Variants in SGCZ observed in about 807,000 individuals in gnomAD.
SGCZ encodes the protein zeta-sarcoglycan.
SGCZ carries 40 observed loss-of-function variants against 41.3 expected under a neutral mutation model. The observed-to-expected ratio is 0.97, with a 90% CI of 0.75 to 1.26. The LOEUF (loss-of-function observed/expected upper bound fraction) is 1.26, where lower values mean the gene tolerates loss of function less well. SGCZ is among the 50% of genes most tolerant of loss of function. The pLI, the probability that SGCZ is intolerant of heterozygous loss-of-function variation, is 0.00. For missense variants in SGCZ, 552 were observed against 369.8 expected (o/e 1.49, Z -4.04); for synonymous variants, 206 against 137.5 (o/e 1.50, Z -3.49).
intron 2 of SGCZ, among the ~76,000 whole-genome samples, chr8:14,354,686 G>C (rs1361262858): frequency 6.6e-6 from 1 of 151,580 alleles, no homozygotes; most frequent in East Asian, 1.9e-4. Context: ...CACACACTCA[G>C]AGACAAAACT....
intron 1 of SGCZ, among the ~76,000 whole-genome samples, chr8:15,065,123 T>G (rs1490154035): frequency 1.3e-5 from 2 of 152,144 alleles, no homozygotes; most frequent in African/African-American, 4.8e-5. Context: ...CCTGCCTTCC[T>G]GCATCCATGT....
intron 1 of SGCZ, among the ~76,000 whole-genome samples, chr8:14,598,052 T>C (rs1284044044): frequency 2.0e-5 from 3 of 152,198 alleles, no homozygotes; most frequent in African/African-American, 7.2e-5. Context: ...GAGCAAAAAT[T>C]ATGAGTATAC....
intron 1 of SGCZ, 48 bp from the exon 2 acceptor site, chr8:14,554,974 C>A: frequency 2.7e-6 from 4 of 1,471,164 alleles, no homozygotes; most frequent in South Asian, 1.5e-5. Context: ...AAAAAAGAAG[C>A]ATTAAAAAAA....
intron 2 of SGCZ, among the ~76,000 whole-genome samples, chr8:14,529,458 A>G (rs907669538): frequency 6.6e-6 from 1 of 152,132 alleles, no homozygotes; most frequent in Non-Finnish European, 1.5e-5. Context: ...CTAACTCCCC[A>G]TGAAGCTTTC....
intron 4 of SGCZ, among the ~76,000 whole-genome samples, chr8:14,226,259 T>C (rs922282029): frequency 6.6e-6 from 1 of 152,124 alleles, no homozygotes; most frequent in Admixed American, 6.6e-5. Flanking sequence ...CAAGTTACTA[T>C]AGAGTCAATT....
chr8:14,733,407 A>G (rs1268199566), intron 1 of SGCZ, among the ~76,000 whole-genome samples: 4 of 152,160 alleles, frequency 2.6e-5, no homozygotes, highest in East Asian at 3.9e-4. Flanking sequence ...CTGACATGCT[A>G]TGCCTCTTGG....
At chr8:14,397,609 A>G (rs1798956133) in intron 2 of SGCZ, among the ~76,000 whole-genome samples, 1 of 152,114 alleles carries the variant, frequency 6.6e-6, no homozygotes. Flanking sequence ...CAAATAAAGC[A>G]TACCATTACT....
At chr8:14,495,528 A>G (rs1252447380) in intron 2 of SGCZ, among the ~76,000 whole-genome samples, 1 of 152,190 alleles carries the variant, frequency 6.6e-6, no homozygotes, top group African/African-American at 2.4e-5. Flanking sequence ...TGTTTTCAGC[A>G]TGTAGTCATA....
At chr8:15,209,062 A>G (rs1233602681) in intron 1 of SGCZ, among the ~76,000 whole-genome samples, 1 of 152,088 alleles carries the variant, frequency 6.6e-6, no homozygotes, top group Admixed American at 6.6e-5. Flanking sequence ...AACTACTTCA[A>G]GTTCTCACCT....
chr8:14,975,821 GTGT>G (rs2130871495), intron 1 of SGCZ, among the ~76,000 whole-genome samples: 1 of 136,082 alleles, frequency 7.3e-6, no homozygotes, highest in Admixed American at 7.5e-5. Context: ...GTGTGTGTGT[GTGT>G]AGAAATAGTT....
chr8:14,698,946 C>T (rs1364670276), intron 1 of SGCZ, among the ~76,000 whole-genome samples: 1 of 151,686 alleles, frequency 6.6e-6, no homozygotes, highest in Non-Finnish European at 1.5e-5. Context: ...CCCAACAGAG[C>T]CTGCTGCCAT....
At chr8:14,515,204 G>C (rs964291632) in intron 2 of SGCZ, among the ~76,000 whole-genome samples, 3 of 151,992 alleles carry the variant, frequency 2.0e-5, no homozygotes, top group South Asian at 4.2e-4. Flanking sequence ...TGAACTTCTA[G>C]GCTACTGACA....
chr8:14,638,379 T>C (rs1806905670), intron 1 of SGCZ, among the ~76,000 whole-genome samples: 1 of 151,866 alleles, frequency 6.6e-6, no homozygotes, highest in Non-Finnish European at 1.5e-5. Flanking sequence ...TCATTACTCC[T>C]TGCTCACAAA....
intron 1 of SGCZ, among the ~76,000 whole-genome samples, chr8:14,555,981 G>A (rs1804023893): frequency 6.6e-6 from 1 of 151,898 alleles, no homozygotes; most frequent in Admixed American, 6.6e-5. Context: ...GAAATTAGAA[G>A]TCAGTTCTGA....
chr8:14,624,227 C>T (rs774417521), intron 1 of SGCZ, among the ~76,000 whole-genome samples: 22 of 151,996 alleles, frequency 1.4e-4, no homozygotes, highest in Non-Finnish European at 2.9e-4. Flanking sequence ...TTTAACAAAG[C>T]CAAAATAAAC....
intron 3 of SGCZ, among the ~76,000 whole-genome samples, chr8:14,322,370 C>G (rs1054641718): frequency 3.3e-5 from 5 of 152,012 alleles, no homozygotes; most frequent in Non-Finnish European, 7.4e-5. Context: ...TGCTTGTGAA[C>G]ATGGAGTTAG....
At chr8:15,102,356 G>A (rs1302725510) in intron 1 of SGCZ, among the ~76,000 whole-genome samples, 1 of 152,130 alleles carries the variant, frequency 6.6e-6, no homozygotes, top group African/African-American at 2.4e-5. Context: ...GGGTTGCTAG[G>A]GGTTGAGGGG....
At chr8:15,227,450 T>C (rs1246541641) in intron 1 of SGCZ, among the ~76,000 whole-genome samples, 1 of 152,172 alleles carries the variant, frequency 6.6e-6, no homozygotes, top group Non-Finnish European at 1.5e-5. Flanking sequence ...AATACCACAA[T>C]GAATCACACG....
At chr8:15,061,167 G>C (rs1804910176) in intron 1 of SGCZ, among the ~76,000 whole-genome samples, 1 of 152,140 alleles carries the variant, frequency 6.6e-6, no homozygotes. Flanking sequence ...AAATTAAATA[G>C]TGTGATAGTA....
Sources: gnomAD v4.1 joint callset for allele counts (sites outside exome capture counted in the v4.1 genomes callset) on GRCh38, gnomAD v4.1.1 for gene constraint, MANE v1.5 for transcripts, NCBI Gene and HGNC (gene_info 2026-07-23, HGNC 2026-07-21) for gene names.